Variants in NEBL observed in about 807,000 individuals in gnomAD.
The protein encoded by NEBL is LIM and SH3 protein 2.
NEBL carries 122 observed loss-of-function variants against 140.2 expected under a neutral mutation model. The ratio of observed to expected loss-of-function variants is 0.87; its 90% confidence interval spans 0.75 to 1.01. NEBL has a LOEUF of 1.01. NEBL is among the 50% of genes least tolerant of loss of function. The probability of loss-of-function intolerance (pLI) is 0.00; values close to 1 mark genes in which losing one functional copy is unlikely to be tolerated. For synonymous variants in NEBL, 436 were observed against 398.9 expected (o/e 1.09, Z -1.11); for missense variants, 1,365 against 1,231.3 (o/e 1.11, Z -1.62).
chr10:20,816,704 G>T (rs2130810424), intron 21 of NEBL, among the ~76,000 whole-genome samples: 1 of 152,278 alleles, frequency 6.6e-6, no homozygotes, highest in African/African-American at 2.4e-5. Context: ...GTTAATGACT[G>T]TAAAAGAGGA....
intron 2 of NEBL, among the ~76,000 whole-genome samples, chr10:21,049,309 C>T (rs1834660582): frequency 6.6e-6 from 1 of 152,196 alleles, no homozygotes; most frequent in Non-Finnish European, 1.5e-5. Context: ...AGGGTTGCTA[C>T]CATCTAGCAG....
chr10:21,253,804 A>C (rs1474735030), intron 1 of NEBL, among the ~76,000 whole-genome samples: 1 of 152,154 alleles, frequency 6.6e-6, no homozygotes. Context: ...TTGGTCTCCC[A>C]AAGTACTGGG....
chr10:21,261,384 GGC>G (rs1564551567), intron 1 of NEBL, among the ~76,000 whole-genome samples: 1 of 152,134 alleles, frequency 6.6e-6, no homozygotes. Context: ...AGACAGGCTG[GGC>G]ACAGCGGCTC....
intron 1 of NEBL, among the ~76,000 whole-genome samples, chr10:21,277,732 A>G (rs369931839): frequency 5.3e-5 from 8 of 152,306 alleles, no homozygotes; most frequent in African/African-American, 1.9e-4. Context: ...TTCTGACACA[A>G]TGCTTTGGGC....
chr10:21,279,798 G>T (rs1842969780), intron 1 of NEBL, among the ~76,000 whole-genome samples: 2 of 151,704 alleles, frequency 1.3e-5, no homozygotes, highest in African/African-American at 4.8e-5. Flanking sequence ...TAGTTTGTGG[G>T]CTGTACAAAA....
intron 2 of NEBL, among the ~76,000 whole-genome samples, chr10:21,169,067 A>AT (rs1554830680): frequency 2.5e-3 from 57 of 23,006 alleles, no homozygotes; most frequent in Non-Finnish European, 4.0e-3. Context: ...AAAAAAAAAA[A>AT]ATATATATAT....
At chr10:20,970,484 C>T (rs1295861328) in intron 3 of NEBL, among the ~76,000 whole-genome samples, 1 of 151,330 alleles carries the variant, frequency 6.6e-6, no homozygotes, top group African/African-American at 2.4e-5. Context: ...GCTCCCCCCA[C>T]CAAAAAAAAA....
At chr10:20,790,993 A>T (rs1357716304) in intron 26 of NEBL, among the ~76,000 whole-genome samples, 1 of 152,248 alleles carries the variant, frequency 6.6e-6, no homozygotes, top group African/African-American at 2.4e-5. Flanking sequence ...TACCATTAGC[A>T]TTGCTACAAA....
chr10:21,057,261 G>A (rs1007518549), intron 2 of NEBL, among the ~76,000 whole-genome samples: 2 of 151,888 alleles, frequency 1.3e-5, no homozygotes, highest in Non-Finnish European at 2.9e-5. Context: ...TCCCGGGAAG[G>A]GTTGCTCTTT....
At chr10:20,795,900 C>A (rs1430471088) in intron 26 of NEBL, among the ~76,000 whole-genome samples, 1 of 151,980 alleles carries the variant, frequency 6.6e-6, no homozygotes, top group Admixed American at 6.6e-5. Flanking sequence ...ATTTTCTTCC[C>A]CAAATATAAA....
chr10:21,122,649 T>C (rs1838633557), intron 2 of NEBL, among the ~76,000 whole-genome samples: 1 of 152,056 alleles, frequency 6.6e-6, no homozygotes, highest in Admixed American at 6.6e-5. Flanking sequence ...CTTAATCTGG[T>C]TGGGAGAGAC....
At chr10:20,813,074 C>G in intron 23 of NEBL, 134 bp from the exon 24 acceptor site, 4 of 765,848 alleles carry the variant, frequency 5.2e-6, no homozygotes, top group Non-Finnish European at 8.8e-6. Context: ...TCCAAATACT[C>G]CAAAACTAAA....
intron 3 of NEBL, among the ~76,000 whole-genome samples, chr10:21,188,468 T>C (rs1205840273): frequency 2.6e-5 from 4 of 152,224 alleles, no homozygotes; most frequent in African/African-American, 4.8e-5. Flanking sequence ...CCTATACTAA[T>C]TATAAGTCTG....
intron 5 of NEBL, among the ~76,000 whole-genome samples, chr10:20,877,712 A>C (rs373617362): frequency 1.3e-5 from 2 of 152,280 alleles, no homozygotes; most frequent in South Asian, 4.1e-4. Flanking sequence ...CCATTTGCAT[A>C]ATATAATTAG....
rs1564504896 is a variant in NEBL at position 21,082,760 on chromosome 10, C to CTTTTT, written c.165-62560_165-62559insAAAAA. On this transcript the variant is annotated intron_variant, in intron 2 of 6. Coordinates refer to the NEBL transcript ENST00000417816. ...AATTATGGGATATGCAGGAGGGATGCATTTTTTTTTTTTTTTTTTTGAGAC... is the reference window on the plus strand; with the variant it reads ...AATTATGGGATATGCAGGAGGGATGCTTTTTATTTTTTTTTTTTTTTTTTTGAGAC... Among the ~76,000 whole-genome samples, 183 of 52,852 alleles carry CTTTTT rather than the reference C, an allele frequency of 3.5e-3. 2 individuals carry two copies. Among genetic ancestry groups the CTTTTT allele is most frequent in the Middle Eastern group, 0.017 (1 of 60 alleles). The allele number at this position is 52,852 out of a possible 152,430, so 34.7% of individuals were successfully genotyped here.
At chr10:20,798,279 G>T (rs1267084090) in intron 26 of NEBL, among the ~76,000 whole-genome samples, 1 of 152,104 alleles carries the variant, frequency 6.6e-6, no homozygotes. Context: ...TTTCCCCACT[G>T]TATTATTTCC....
At chr10:20,996,634 T>G (rs1404771585) in intron 3 of NEBL, among the ~76,000 whole-genome samples, 1 of 152,128 alleles carries the variant, frequency 6.6e-6, no homozygotes, top group East Asian at 1.9e-4. Flanking sequence ...TCCAAAACCC[T>G]CACTCTTTCC....
chr10:21,122,720 G>A (rs1346310792), intron 2 of NEBL, among the ~76,000 whole-genome samples: 1 of 152,154 alleles, frequency 6.6e-6, no homozygotes, highest in East Asian at 1.9e-4. Flanking sequence ...TGTCTGGGTA[G>A]CGGATCCAGA....
intron 18 of NEBL, among the ~76,000 whole-genome samples, chr10:20,823,524 GT>G (rs1839554521): frequency 6.6e-6 from 1 of 152,000 alleles, no homozygotes; most frequent in Non-Finnish European, 1.5e-5. Context: ...CACTATAGGA[GT>G]TTTTTAAGTA....
Sources: gnomAD v4.1 joint callset for allele counts (sites outside exome capture counted in the v4.1 genomes callset) on GRCh38, gnomAD v4.1.1 for gene constraint, MANE v1.5 for transcripts, NCBI Gene and HGNC (gene_info 2026-07-23, HGNC 2026-07-21) for gene names.